The following NMNAT3 variants were observed in gnomAD, a reference collection of about 807,000 sequenced individuals.
The protein encoded by NMNAT3 is nicotinamide nucleotide adenylyltransferase 3, also known as nicotinamide/nicotinic acid mononucleotide adenylyltransferase 3.
Under a neutral mutation model 24.8 loss-of-function variants are expected in NMNAT3, and 21 were observed. The observed-to-expected ratio is 0.85, with a 90% CI of 0.60 to 1.22. NMNAT3 has a LOEUF of 1.22. Ranked by LOEUF, NMNAT3 falls within the 50% of genes most tolerant of loss-of-function variation. NMNAT3 has a pLI of 0.00. For synonymous variants in NMNAT3, 136 were observed against 155.2 expected, an observed-to-expected ratio of 0.88 and a Z score of 0.92; for missense variants, 387 against 436.6, an observed-to-expected ratio of 0.89 and a Z score of 1.01.
At chr3:139,625,938 C>T (rs554786589) in intron 3 of NMNAT3, among the ~76,000 whole-genome samples, 3 of 152,116 alleles carry the variant, frequency 2.0e-5, no homozygotes, top group Admixed American at 6.5e-5. Context: ...AATTCTAGGT[C>T]GACAGTATTT....
chr3:139,614,238 TA>T (rs2055374451), intron 3 of NMNAT3, among the ~76,000 whole-genome samples: 2 of 151,386 alleles, frequency 1.3e-5, no homozygotes, highest in Admixed American at 6.6e-5. Context: ...TATGATATTT[TA>T]CTAAAAAAAA....
chr3:139,566,316 T>C (rs1476215506), intron 6 of NMNAT3: 1 of 151,888 alleles, frequency 6.6e-6, no homozygotes, highest in African/African-American at 2.4e-5. Flanking sequence ...GTAAGTTACC[T>C]GTTCACTCTG....
chr3:139,612,550 T>C (rs4683597), intron 3 of NMNAT3, among the ~76,000 whole-genome samples: 141,662 of 152,206 alleles, frequency 0.93, 66,808 homozygotes, highest in East Asian at 1. Flanking sequence ...GCAGGTAGTC[T>C]AAATGCATGC....
intron 1 of NMNAT3, among the ~76,000 whole-genome samples, chr3:139,647,012 G>A (rs1204806949): frequency 6.6e-6 from 1 of 152,192 alleles, no homozygotes; most frequent in African/African-American, 2.4e-5. Context: ...ATGCACATCT[G>A]GGAAGATTTA....
intron 3 of NMNAT3, among the ~76,000 whole-genome samples, chr3:139,594,726 A>C (rs186009730): frequency 0.092 from 14,029 of 152,270 alleles, 680 homozygotes; most frequent in Middle Eastern, 0.13. Context: ...TGATTATCTC[A>C]ATAGATGCAG....
intron 3 of NMNAT3, among the ~76,000 whole-genome samples, chr3:139,604,008 A>T (rs549612323): frequency 6.6e-6 from 1 of 152,356 alleles, no homozygotes; most frequent in Non-Finnish European, 1.5e-5. Flanking sequence ...GGAACCAGAC[A>T]TGGTATCATA....
At chr3:139,666,634 A>ATTACT (rs2057591779) in intron 1 of NMNAT3, among the ~76,000 whole-genome samples, 1 of 152,130 alleles carries the variant, frequency 6.6e-6, no homozygotes, top group East Asian at 1.9e-4. Flanking sequence ...TCTACAATAA[A>ATTACT]TTACTGTTAA....
At chr3:139,650,501 T>C (rs2057020777) in intron 1 of NMNAT3, among the ~76,000 whole-genome samples, 1 of 152,224 alleles carries the variant, frequency 6.6e-6, no homozygotes, top group Non-Finnish European at 1.5e-5. Context: ...AACTCACTTG[T>C]AGTTGAGTAC....
Position 139,619,205 on chromosome 3 carries a change from A to G in NMNAT3, c.109+8411T>C, listed in dbSNP as rs1234279792. 4.6e-5 allele frequency among the ~76,000 whole-genome samples: 7 copies of G among 152,182 alleles called. No homozygotes were observed. In the South Asian group the frequency reaches 8.3e-4, roughly 18 times the overall value. On this transcript the variant is annotated intron_variant, in intron 3 of 6. Coordinates refer to ENST00000643695, the MANE Select transcript of NMNAT3 (RefSeq NM_001320510.2). Reference sequence around the variant, plus strand: ...TTTAACCAACTCTATTTTCAGCAATAGTGCTTGGAAGATGCAGTAAATATC... The same window carrying G: ...TTTAACCAACTCTATTTTCAGCAATGGTGCTTGGAAGATGCAGTAAATATC...
At chr3:139,665,015 T>A (rs1369251724) in intron 1 of NMNAT3, among the ~76,000 whole-genome samples, 2 of 152,196 alleles carry the variant, frequency 1.3e-5, no homozygotes, top group African/African-American at 4.8e-5. Flanking sequence ...TTTTCAATGA[T>A]ATCTTAGTAC....
intron 3 of NMNAT3, among the ~76,000 whole-genome samples, chr3:139,591,837 A>G (rs1481436582): frequency 6.6e-6 from 1 of 152,244 alleles, no homozygotes; most frequent in Non-Finnish European, 1.5e-5. Context: ...ATCATCAAAG[A>G]CCAAAAGTAG....
At chr3:139,570,937 A>T (rs1938180536) in intron 6 of NMNAT3, 1 of 153,324 alleles carries the variant, frequency 6.5e-6, no homozygotes, top group Non-Finnish European at 1.4e-5. Flanking sequence ...TCCTGCCCCC[A>T]GAGGTGGAGC....
chr3:139,580,187 T>G (rs1251980673), intron 4 of NMNAT3, among the ~76,000 whole-genome samples: 1 of 151,078 alleles, frequency 6.6e-6, no homozygotes, highest in Non-Finnish European at 1.5e-5. Context: ...AACTTTCTTT[T>G]TGAGACAGAG....
At chr3:139,601,139 G>A (rs1363343445) in intron 3 of NMNAT3, among the ~76,000 whole-genome samples, 1 of 152,174 alleles carries the variant, frequency 6.6e-6, no homozygotes, top group Non-Finnish European at 1.5e-5. Context: ...CCTGCTGAAG[G>A]CAAGCTGCTC....
intron 1 of NMNAT3, among the ~76,000 whole-genome samples, chr3:139,643,482 A>C (rs2056773912): frequency 6.6e-6 from 1 of 152,230 alleles, no homozygotes; most frequent in Admixed American, 6.5e-5. Flanking sequence ...TAACGGAAGA[A>C]TGGATCAACA....
chr3:139,628,610 A>T (rs371644903), intron 2 of NMNAT3, among the ~76,000 whole-genome samples: 1 of 152,106 alleles, frequency 6.6e-6, no homozygotes, highest in Non-Finnish European at 1.5e-5. Flanking sequence ...CTCTGGTCTC[A>T]CCCTGTTGAG....
intron 2 of NMNAT3, among the ~76,000 whole-genome samples, chr3:139,632,925 A>G (rs951192908): frequency 2.6e-5 from 4 of 152,192 alleles, no homozygotes; most frequent in Non-Finnish European, 5.9e-5. Context: ...TGGATTACTC[A>G]GTTTTATCAT....
rs368854325 is a variant in NMNAT3, at chr3:139,583,201, T to C, written c.117A>G (p.Glu39=). The change falls in exon 4 of 7, where the codon GAA becomes GAG. Residue 39 remains glutamate (E), a synonymous_variant. Coordinates refer to ENST00000643695, the MANE Select transcript of NMNAT3 (RefSeq NM_001320510.2). ...CAAGTGCAACTTCATGGTCCTTTTC[T>C]TCATATTCTGGAATACAAGAAAACG... The C allele has an allele frequency of 6.6e-6, 8 of 1,214,424 alleles. No homozygotes were observed. In the East Asian group the frequency reaches 1.2e-4, roughly 18 times the overall value. 75.2% of individuals were successfully genotyped at this position (1,214,424 alleles called of 1,614,324 possible).
At chr3:139,630,819 T>C (rs149721456) in intron 2 of NMNAT3, among the ~76,000 whole-genome samples, 35 of 152,264 alleles carry the variant, frequency 2.3e-4, no homozygotes, top group African/African-American at 7.9e-4. Flanking sequence ...TAATGAGATA[T>C]TTGCAAAGTG....
Sources: gnomAD v4.1 joint callset for allele counts (sites outside exome capture counted in the v4.1 genomes callset) on GRCh38, gnomAD v4.1.1 for gene constraint, MANE v1.5 for transcripts, NCBI Gene and HGNC (gene_info 2026-07-23, HGNC 2026-07-21) for gene names.